The following BRI3 variants were observed in gnomAD, a reference collection of about 807,000 sequenced individuals.
BRI3 encodes membrane protein BRI3.
In BRI3, 6 loss-of-function variants were observed where a neutral mutation model predicts 12.8. That is an observed-to-expected ratio of 0.47 (90% CI 0.26 to 0.93). The LOEUF (loss-of-function observed/expected upper bound fraction) is 0.93, where lower values mean the gene tolerates loss of function less well. Among genes scored for constraint, BRI3 ranks in the 40% least tolerant of loss-of-function variants. BRI3 has a pLI of 0.15. For synonymous variants in BRI3, 91 were observed against 76.1 expected (o/e 1.20, Z -1.02); for missense variants, 134 against 171.1 (o/e 0.78, Z 1.21).
intron 1 of BRI3, among the ~76,000 whole-genome samples, chr7:98,300,874 G>A (rs758732858): frequency 6.6e-6 from 1 of 152,196 alleles, no homozygotes; most frequent in Non-Finnish European, 1.5e-5. Context: ...CAGGCCTTGT[G>A]TTTTTGCCGA....
chr7:98,293,676 T>C, downstream of BRI3: 2 of 1,416,816 alleles, frequency 1.4e-6, no homozygotes, highest in Non-Finnish European at 2.0e-6. Context: ...TAACCCGTTC[T>C]TGCCCTGTGA....
the BRI3 span, chr7:98,315,625 A>AAAAAAAT: frequency 5.2e-4 from 591 of 1,131,204 alleles, 2 homozygotes; most frequent in African/African-American, 8.9e-3. Flanking sequence ...AAAAAAAAAA[A>AAAAAAAT]AATAATAATA....
chr7:98,321,712 A>G, the BRI3 span, among the ~76,000 whole-genome samples: 1 of 152,146 alleles, frequency 6.6e-6, no homozygotes, highest in African/African-American at 2.4e-5. Flanking sequence ...ACATAGACTC[A>G]TCTGGAACCA....
intron 1 of BRI3, chr7:98,307,322 T>C: frequency 1.1e-6 from 1 of 905,578 alleles, no homozygotes; most frequent in Non-Finnish European, 1.4e-6. Flanking sequence ...GCCAGGCTGG[T>C]CTGGAACTCC....
In BRI3 at chr7:98,282,403, C is replaced by G. The variant is rs768418013; in HGVS notation, c.195C>G (p.Thr65=). 6.2e-7 allele frequency: 1 copy of G among 1,614,136 alleles called. No homozygotes were observed. The highest frequency in any genetic ancestry group is 1.1e-5 in the South Asian group (1 of 91,090). Residue 65 remains threonine, a synonymous_variant, in exon 2 of 3, where the codon ACC becomes ACG. Transcript: ENST00000297290. The stretch of plus-strand genomic sequence containing the variant: ...ACAACATCCACAGCCGGACCGTCAC[C>G]CGCTATCCTGCCAACTCTATCGTGG... ...RVYNIHSRTV[T]RYPANSIVVV... is the part of the protein sequence containing the mutation.
chr7:98,293,943 C>CCCCA (rs1369014893), downstream of BRI3: 3 of 1,076,726 alleles, frequency 2.8e-6, no homozygotes, highest in African/African-American at 1.6e-5. Flanking sequence ...GGCTGCACTC[C>CCCCA]CCCATGGCTC....
At chr7:98,300,486 G>T (rs982812340) in intron 1 of BRI3, among the ~76,000 whole-genome samples, 1 of 152,200 alleles carries the variant, frequency 6.6e-6, no homozygotes, top group Non-Finnish European at 1.5e-5. Flanking sequence ...GCATGCAGAT[G>T]ACCGCGCCAT....
chr7:98,281,976 A>C, intron 1 of BRI3, 39 bp downstream of exon 1: 2 of 1,279,530 alleles, frequency 1.6e-6, no homozygotes, highest in Non-Finnish European at 9.9e-7. Context: ...GCGGCTTCCG[A>C]GGTGGCAAGC....
chr7:98,298,667 G>T (rs1800291539), intron 1 of BRI3, among the ~76,000 whole-genome samples: 1 of 152,158 alleles, frequency 6.6e-6, no homozygotes, highest in Admixed American at 6.5e-5. Context: ...GGATCCCAGT[G>T]TTTGGCCTGG....
chr7:98,323,302 C>A, the BRI3 span: 1 of 152,184 alleles, frequency 6.6e-6, no homozygotes, highest in African/African-American at 2.4e-5. Flanking sequence ...AACCCACAAA[C>A]AATTCCTCAT....
upstream of BRI3, chr7:98,306,490 G>A (rs768990780): frequency 1.5e-5 from 24 of 1,613,982 alleles, no homozygotes; most frequent in African/African-American, 5.3e-5. Context: ...CAGCAACTTC[G>A]TGTACGACGA....
At chr7:98,293,260 T>A (rs1193801225), downstream of BRI3, 3 of 387,640 alleles carry the variant, frequency 7.7e-6, no homozygotes, top group Admixed American at 1.3e-4. Flanking sequence ...TGAAACCAAG[T>A]TTACTGTTTC....
Position 98,281,765 on chromosome 7 carries a change from G to C in BRI3, c.-31G>C, listed in dbSNP as rs1355196274. ...CCGCCGGGGCCGACCGAGCCGAGCC[G>C]GGCCGGAGCGGCGGGCGCGGCCGGG... On this transcript the variant is annotated 5_prime_UTR_variant, in exon 1 of 3. Transcript: ENST00000297290. 233 of 1,043,186 alleles carry C rather than the reference G, an allele frequency of 2.2e-4. No homozygotes were observed. The highest frequency in any genetic ancestry group is 2.8e-4 in the Admixed American group (5 of 17,758). 64.6% of individuals were successfully genotyped at this position (1,043,186 alleles called of 1,614,324 possible). A position where few individuals can be genotyped will look rare whatever the true frequency, so the allele number is the denominator to read the frequency against.
chr7:98,316,738 ATGTT>A, the BRI3 span, among the ~76,000 whole-genome samples: 1 of 152,108 alleles, frequency 6.6e-6, no homozygotes, highest in Non-Finnish European at 1.5e-5. Flanking sequence ...ATCCAATTGT[ATGTT>A]TGGACCCATT....
the BRI3 span, among the ~76,000 whole-genome samples, chr7:98,319,884 G>A: frequency 2.6e-5 from 4 of 152,056 alleles, no homozygotes; most frequent in Non-Finnish European, 5.9e-5. Flanking sequence ...AAGTGTTAGC[G>A]AAAACCGGCC....
chr7:98,304,128 G>GAGCA, upstream of BRI3: 1 of 1,460,578 alleles, frequency 6.8e-7, no homozygotes, highest in Non-Finnish European at 9.1e-7. Flanking sequence ...GGTCACCACA[G>GAGCA]GACCTGCGCC....
the BRI3 span, among the ~76,000 whole-genome samples, chr7:98,316,890 G>A: frequency 2.0e-5 from 3 of 150,318 alleles, no homozygotes; most frequent in Non-Finnish European, 3.0e-5. Flanking sequence ...TTGAGATGGA[G>A]TCTCATTCTG....
chr7:98,290,120 C>T (rs1044140319), intron 2 of BRI3, among the ~76,000 whole-genome samples: 8 of 151,754 alleles, frequency 5.3e-5, no homozygotes, highest in Admixed American at 2.0e-4. Context: ...GCTAGTTGCT[C>T]CTTTTCTAAG....
intron 2 of BRI3, among the ~76,000 whole-genome samples, chr7:98,284,208 C>T (rs1799630526): frequency 6.6e-6 from 1 of 152,160 alleles, no homozygotes; most frequent in African/African-American, 2.4e-5. Context: ...GTTGGGGGGT[C>T]CTTAGTCCTT....
Sources: allele counts gnomAD v4.1 joint callset (sites outside exome capture counted in the v4.1 genomes callset), GRCh38; gene constraint gnomAD v4.1.1; transcripts MANE v1.5; gene names NCBI Gene and HGNC (gene_info 2026-07-23, HGNC 2026-07-21).